Variants in MED15 observed in about 807,000 individuals in gnomAD.
MED15 encodes the protein mediator of RNA polymerase II transcription subunit 15.
A neutral mutation model predicts 118.7 loss-of-function variants in MED15; 41 were observed. The observed-to-expected ratio is 0.35, with a 90% CI of 0.27 to 0.45. The LOEUF (loss-of-function observed/expected upper bound fraction) is 0.45. Ranked by LOEUF, MED15 falls within the 20% of genes least tolerant of loss-of-function variation. The pLI is 1.00. For missense variants in MED15, 740 were observed against 1,025.5 expected (o/e 0.72, Z 3.80); for synonymous variants, 436 against 413.9 (o/e 1.05, Z -0.65).
chr22:20,558,683 A>G (rs165833), intron 5 of MED15, among the ~76,000 whole-genome samples: 68,120 of 151,908 alleles, frequency 0.45, 15,628 homozygotes, highest in African/African-American at 0.52. Context: ...CCTGAGCCTC[A>G]GCTGCTGCAA....
intron 1 of MED15, chr22:20,524,385 A>T (rs1420921345): frequency 1.3e-5 from 2 of 152,192 alleles, no homozygotes; most frequent in African/African-American, 4.8e-5. Flanking sequence ...GCTGGGTGAG[A>T]ACAAGCCCTG....
intron 5 of MED15, among the ~76,000 whole-genome samples, chr22:20,557,053 C>T (rs1284641392): frequency 3.3e-5 from 5 of 152,194 alleles, no homozygotes; most frequent in Admixed American, 3.3e-4. Context: ...ATTATGCAAA[C>T]AAAGCTGCTG....
At chr22:20,554,709 G>T in intron 4 of MED15, 1 of 441,024 alleles carries the variant, frequency 2.3e-6, no homozygotes. Context: ...TTAGGACTCT[G>T]GTCCAGGCCA....
At chr22:20,546,248 C>T (rs888956969) in intron 2 of MED15, among the ~76,000 whole-genome samples, 1 of 152,206 alleles carries the variant, frequency 6.6e-6, no homozygotes, top group Non-Finnish European at 1.5e-5. Flanking sequence ...TGCCTGCCCC[C>T]TCCTTCTTAT....
intron 13 of MED15, chr22:20,583,870 C>T: frequency 4.2e-6 from 1 of 235,994 alleles, no homozygotes; most frequent in Non-Finnish European, 8.5e-6. Flanking sequence ...CCACAGGCTG[C>T]TGTGAGGATC....
chr22:20,557,151 C>T (rs1002840800), intron 5 of MED15, among the ~76,000 whole-genome samples: 2 of 152,148 alleles, frequency 1.3e-5, no homozygotes, highest in African/African-American at 2.4e-5. Context: ...AGCATCGCCC[C>T]CTCTGCTTTG....
At chr22:20,550,263 C>T (rs2055716218) in intron 2 of MED15, among the ~76,000 whole-genome samples, 1 of 152,142 alleles carries the variant, frequency 6.6e-6, no homozygotes, top group South Asian at 2.1e-4. Context: ...ATGGGGATAG[C>T]CGGAAGCTGG....
intron 1 of MED15, among the ~76,000 whole-genome samples, chr22:20,528,976 G>C (rs989218833): frequency 1.3e-5 from 2 of 152,254 alleles, no homozygotes; most frequent in Admixed American, 6.5e-5. Flanking sequence ...CAGAGCACTT[G>C]GTGCAGCCTG....
intron 1 of MED15, among the ~76,000 whole-genome samples, chr22:20,512,102 C>T (rs1476041824): frequency 6.6e-6 from 1 of 150,730 alleles, no homozygotes; most frequent in African/African-American, 2.5e-5. Flanking sequence ...GATCCTCCCA[C>T]TGTAGCCTTC....
intron 1 of MED15, among the ~76,000 whole-genome samples, chr22:20,512,991 C>T (rs910496415): frequency 2.6e-5 from 4 of 151,972 alleles, no homozygotes; most frequent in Non-Finnish European, 4.4e-5. Context: ...CCACCCGCCT[C>T]GGCCTCCCAA....
intron 2 of MED15, among the ~76,000 whole-genome samples, chr22:20,545,122 A>G (rs1014080063): frequency 6.6e-6 from 1 of 152,200 alleles, no homozygotes; most frequent in Non-Finnish European, 1.5e-5. Flanking sequence ...ACAGACAGAA[A>G]GTTGATTATT....
intron 6 of MED15, among the ~76,000 whole-genome samples, chr22:20,565,368 C>T (rs367961027): frequency 3.9e-5 from 6 of 152,196 alleles, no homozygotes; most frequent in African/African-American, 1.4e-4. Context: ...GCTGAGGACA[C>T]ATGTGCCTCC....
chr22:20,580,124 C>T (rs78095529), intron 9 of MED15, among the ~76,000 whole-genome samples: 3,846 of 152,240 alleles, frequency 0.025, 172 homozygotes, highest in African/African-American at 0.087. Context: ...ATCTCCCTGT[C>T]TCCCATCCTG....
At chr22:20,516,777 G>A (rs1470840018) in intron 1 of MED15, among the ~76,000 whole-genome samples, 3 of 152,038 alleles carry the variant, frequency 2.0e-5, no homozygotes, top group Non-Finnish European at 4.4e-5. Context: ...TATCTGGAGG[G>A]CAAACATTTT....
At chr22:20,516,267 C>G (rs1409847474) in intron 1 of MED15, among the ~76,000 whole-genome samples, 1 of 151,892 alleles carries the variant, frequency 6.6e-6, no homozygotes, top group Non-Finnish European at 1.5e-5. Context: ...GAGCCGAGAT[C>G]ACGCCATTGC....
chr22:20,531,156 G>GT (rs1395465006), intron 1 of MED15, among the ~76,000 whole-genome samples: 2 of 150,672 alleles, frequency 1.3e-5, no homozygotes, highest in African/African-American at 2.4e-5. Flanking sequence ...CAGGCTTTAA[G>GT]TTTGATGCCC....
intron 17 of MED15, among the ~76,000 whole-genome samples, chr22:20,586,311 CAGAGCTGGCACACAGT>C (rs1292026178): frequency 1.3e-5 from 2 of 150,304 alleles, no homozygotes; most frequent in South Asian, 2.1e-4. Flanking sequence ...TGGCACACAG[CAGAGCTGGCACACAGT>C]AGAGCCAGGC....
At chr22:20,551,295 A>G (rs528959447) in intron 2 of MED15, 141 bp from the exon 3 acceptor site, 2 of 815,792 alleles carry the variant, frequency 2.5e-6, no homozygotes, top group Admixed American at 1.7e-5. Context: ...GGCGGATTCC[A>G]GAGGAGGCCG....
intron 9 of MED15, 122 bp from the exon 10 acceptor site, chr22:20,582,489 G>T (rs1427397619): frequency 1.4e-6 from 2 of 1,447,428 alleles, no homozygotes; most frequent in East Asian, 5.0e-5. Context: ...GCATTTGGAT[G>T]AAGACACAGG....
Sources: allele counts gnomAD v4.1 joint callset (sites outside exome capture counted in the v4.1 genomes callset), GRCh38; gene constraint gnomAD v4.1.1; transcripts MANE v1.5; gene names NCBI Gene and HGNC (gene_info 2026-07-23, HGNC 2026-07-21).